CHST3: variants seen among roughly 807,000 people sequenced by gnomAD.
CHST3 encodes the protein carbohydrate sulfotransferase 3.
Under a neutral mutation model 35.4 loss-of-function variants are expected in CHST3, and 20 were observed. The ratio of observed to expected loss-of-function variants is 0.57; its 90% confidence interval spans 0.40 to 0.82. The LOEUF (loss-of-function observed/expected upper bound fraction) is 0.82, where lower values mean the gene tolerates loss of function less well. Ranked by LOEUF, CHST3 falls within the 40% of genes least tolerant of loss-of-function variation. CHST3 has a pLI of 0.00. For synonymous variants in CHST3, 334 were observed against 295.9 expected (o/e 1.13, Z -1.32); for missense variants, 693 against 670.1 (o/e 1.03, Z -0.38).
chr10:72,006,326 G>A (rs1840038939), intron 2 of CHST3, among the ~76,000 whole-genome samples: 1 of 152,222 alleles, frequency 6.6e-6, no homozygotes, highest in Non-Finnish European at 1.5e-5. Flanking sequence ...GATTAAATGA[G>A]AAAATGTAAA....
chr10:71,985,841 C>T (rs2127357), intron 1 of CHST3, among the ~76,000 whole-genome samples: 92,003 of 151,974 alleles, frequency 0.61, 28,238 homozygotes, highest in African/African-American at 0.7. Context: ...ACAGAATCCC[C>T]TGTGGTGCCC....
chr10:72,010,711 C>T lies in CHST3; in HGVS notation c.*2240C>T, dbSNP rs1251869887. The T allele has an allele frequency of 1.3e-5, 2 of 152,252 alleles. No homozygotes were observed. The highest frequency in any genetic ancestry group is 1.3e-4 in the Admixed American group (2 of 15,288). The allele number at this position is 152,252 out of a possible 1,614,324, so 9.4% of individuals were successfully genotyped here. ...TTTGGAGTTCAAAGGAACACCAGCT[C>T]TGAAAACATGACCGTGGGGCCAGGA... is the stretch of plus-strand genomic sequence containing the variant. On this transcript the variant is annotated 3_prime_UTR_variant, in exon 3 of 3. Coordinates refer to ENST00000373115, the MANE Select transcript of CHST3 (RefSeq NM_004273.5).
chr10:71,986,397 G>C (rs552652739), intron 1 of CHST3, among the ~76,000 whole-genome samples: 4 of 152,358 alleles, frequency 2.6e-5, no homozygotes, highest in South Asian at 4.1e-4. Flanking sequence ...TATGCTGTCA[G>C]AGTTGAAAAC....
chr10:71,976,927 T>C (rs1226995280), intron 1 of CHST3, among the ~76,000 whole-genome samples: 16 of 152,120 alleles, frequency 1.1e-4, no homozygotes, highest in Admixed American at 1.0e-3. Context: ...CACAAAACAG[T>C]CTATGTGTGG....
chr10:71,992,920 C>T (rs60714121), intron 1 of CHST3, among the ~76,000 whole-genome samples: 4,334 of 152,210 alleles, frequency 0.028, 174 homozygotes, highest in African/African-American at 0.088. Flanking sequence ...CCCCGGCCCC[C>T]CAAAGTGTGG....
intron 2 of CHST3, among the ~76,000 whole-genome samples, chr10:72,006,879 A>G (rs994389196): frequency 6.6e-6 from 1 of 152,132 alleles, no homozygotes; most frequent in Non-Finnish European, 1.5e-5. Flanking sequence ...AGTACTAGGG[A>G]GTAACTGTCC....
At chr10:71,967,222 G>A (rs1306978218) in intron 1 of CHST3, among the ~76,000 whole-genome samples, 3 of 152,064 alleles carry the variant, frequency 2.0e-5, no homozygotes, top group Admixed American at 1.3e-4. Context: ...AAACTCTGGA[G>A]CTCTAGCGAT....
intron 1 of CHST3, among the ~76,000 whole-genome samples, chr10:71,980,930 T>C (rs755588447): frequency 1.3e-4 from 20 of 152,228 alleles, no homozygotes; most frequent in Non-Finnish European, 1.9e-4. Flanking sequence ...AGAAAAGGCC[T>C]GCTAAGCAAA....
At position 72,008,017 on chromosome 10, in the gene CHST3, G is replaced by A; in HGVS notation, c.986G>A (p.Gly329Asp). The change falls in exon 3 of 3, where the codon GGC becomes GAC. Residue 329 changes from glycine to aspartate, a missense_variant. Coordinates refer to ENST00000373115, the MANE Select transcript of CHST3 (RefSeq NM_004273.5). ...KTWKKWLDDE[G>D]QDGLREEEVQ... Reference sequence around the variant, plus strand: ...TGGAAGAAGTGGCTGGACGACGAGGGCCAGGACGGCCTGAGGGAAGAGGAG... The same window carrying A: ...TGGAAGAAGTGGCTGGACGACGAGGACCAGGACGGCCTGAGGGAAGAGGAG... 15 of 1,549,502 alleles carry A rather than the reference G, an allele frequency of 9.7e-6. No individual in the cohort carries two copies. The highest frequency in any genetic ancestry group is 1.2e-5 in the South Asian group (1 of 84,044).
At chr10:71,996,451 C>CGTGTGTGTGTGTGTGT (rs10564775) in intron 1 of CHST3, among the ~76,000 whole-genome samples, 2 of 146,490 alleles carry the variant, frequency 1.4e-5, no homozygotes, top group African/African-American at 5.1e-5. Flanking sequence ...TGTGTCTCTG[C>CGTGTGTGTGTGTGTGT]GTGTGTGTGT....
In CHST3 at chr10:72,007,415, G is replaced by A. The variant is rs752749595; in HGVS notation, c.384G>A (p.Val128=). 69 of 1,605,282 alleles carry A rather than the reference G, an allele frequency of 4.3e-5. No homozygotes were observed. Among genetic ancestry groups the A allele is most frequent in the Non-Finnish European group, 5.6e-5 (66 of 1,178,854 alleles). Residue 128 remains valine (V), a synonymous_variant, in exon 3 of 3, where the codon GTG becomes GTA. Coordinates refer to ENST00000373115, the MANE Select transcript of CHST3 (RefSeq NM_004273.5). ...RKEEEPPRPA[V]AGPRRHVLLM... Reference sequence around the variant, plus strand: ...AGGAGGAGCCGCCCAGACCGGCCGTGGCGGGGCCCCGGCGCCACGTGCTGC... The same window carrying A: ...AGGAGGAGCCGCCCAGACCGGCCGTAGCGGGGCCCCGGCGCCACGTGCTGC...
rs145883775 is a variant in CHST3, at chr10:71,983,371, C to T, written c.-108+18677C>T. ...ATTTATCTGGGACGGCCAGTGAGCT[C>T]CTGTTTCCCAGGAAGCCAGCAGTGG... On this transcript the variant is annotated intron_variant, in intron 1 of 2. Coordinates refer to ENST00000373115, the MANE Select transcript of CHST3 (RefSeq NM_004273.5). 6.2e-5 allele frequency among the ~76,000 whole-genome samples: 8 copies of T among 128,454 alleles called. No homozygotes were observed. The East Asian group carries it at 1.8e-3, about 29-fold the overall frequency. The allele number at this position is 128,454 out of a possible 152,430, so 84.3% of individuals were successfully genotyped here.
rs766540698 is a variant in CHST3 at position 71,968,329 on chromosome 10, A to G, written c.-108+3635A>G. 5.3e-5 allele frequency among the ~76,000 whole-genome samples: 8 copies of G among 152,118 alleles called. No homozygotes were observed. In the East Asian group the frequency reaches 1.3e-3, roughly 26 times the overall value. On this transcript the variant is annotated intron_variant, in intron 1 of 2. Coordinates refer to ENST00000373115, the MANE Select transcript of CHST3 (RefSeq NM_004273.5). ...GTTTGTGTCCTTTGCCCACTTTTTA[A>G]TGGGGTTGTTTTTTGCTTGTTAACT...
At position 72,012,332 on chromosome 10, in the gene CHST3, C is replaced by T. The variant is rs1241454505; in HGVS notation, c.*3861C>T. The T allele has an allele frequency of 1.3e-5, 2 of 152,208 alleles. No homozygotes were observed. Among genetic ancestry groups the T allele is most frequent in the Non-Finnish European group, 2.9e-5 (2 of 68,064 alleles). 9.4% of individuals were successfully genotyped at this position (152,208 alleles called of 1,614,324 possible). Reference sequence around the variant, plus strand: ...ACCCTAAAGTCTTCCAGCCCCGGGTCATCCTCTCCTATACTAGGGCCTATT... The same window carrying T: ...ACCCTAAAGTCTTCCAGCCCCGGGTTATCCTCTCCTATACTAGGGCCTATT... On this transcript the variant is annotated 3_prime_UTR_variant, in exon 3 of 3. Transcript: ENST00000373115.
chr10:71,974,068 G>T (rs1175999281), intron 1 of CHST3, among the ~76,000 whole-genome samples: 1 of 152,224 alleles, frequency 6.6e-6, no homozygotes, highest in African/African-American at 2.4e-5. Flanking sequence ...CCCCCACATG[G>T]GGAAGACATG....
At chr10:71,975,994 C>T (rs1839741459) in intron 1 of CHST3, among the ~76,000 whole-genome samples, 1 of 152,240 alleles carries the variant, frequency 6.6e-6, no homozygotes, top group African/African-American at 2.4e-5. Context: ...CTTCTTTCTG[C>T]AGGCAGATGG....
intron 1 of CHST3, among the ~76,000 whole-genome samples, chr10:71,985,093 C>A (rs889585056): frequency 1.3e-5 from 2 of 152,350 alleles, no homozygotes; most frequent in South Asian, 4.1e-4. Context: ...TCAAAGATAA[C>A]CCAGATGTCC....
rs138418127 is a variant in CHST3 at position 71,979,697 on chromosome 10, T to C, written c.-108+15003T>C. On this transcript the variant is annotated intron_variant, in intron 1 of 2. Coordinates refer to ENST00000373115, the MANE Select transcript of CHST3 (RefSeq NM_004273.5). ...GTGACTTTATTGTTTTTATTTTTTT[T>C]CTCTATCTAAGGTAGTCAGAATATT... Among the ~76,000 whole-genome samples the C allele has an allele frequency of 6.0e-3, 919 of 152,316 alleles. 8 individuals are homozygous for C. The highest frequency in any genetic ancestry group is 0.021 in the African/African-American group (858 of 41,560).
intron 1 of CHST3, among the ~76,000 whole-genome samples, chr10:71,966,033 T>C (rs149938083): frequency 1.3e-5 from 2 of 152,242 alleles, no homozygotes; most frequent in African/African-American, 4.8e-5. Flanking sequence ...CTGTGGGGTC[T>C]CAATTGAAGA....
Sources: gnomAD v4.1 joint callset for allele counts (sites outside exome capture counted in the v4.1 genomes callset) on GRCh38, gnomAD v4.1.1 for gene constraint, MANE v1.5 for transcripts, NCBI Gene and HGNC (gene_info 2026-07-23, HGNC 2026-07-21) for gene names.